The following WIPF2 variants were observed in gnomAD, a reference collection of about 807,000 sequenced individuals.
The protein encoded by WIPF2 is WAS/WASL-interacting protein family member 2.
WIPF2 carries 23 observed loss-of-function variants against 38.8 expected under a neutral mutation model. The observed-to-expected ratio is 0.59, with a 90% confidence interval of 0.43 to 0.84. The LOEUF (loss-of-function observed/expected upper bound fraction) is 0.84. WIPF2 is among the 40% of genes least tolerant of loss of function. The pLI is 0.00. For missense variants in WIPF2, 574 were observed against 580.5 expected, an observed-to-expected ratio of 0.99 and a Z score of 0.11; for synonymous variants, 210 against 223.2, an observed-to-expected ratio of 0.94 and a Z score of 0.53.
At chr17:40,234,980 G>A (rs543764370) in intron 1 of WIPF2, among the ~76,000 whole-genome samples, 25 of 151,306 alleles carry the variant, frequency 1.7e-4, no homozygotes, top group African/African-American at 5.8e-4. Flanking sequence ...GCAGAGTGGC[G>A]CGATCTCAGC....
At chr17:40,236,858 C>T (rs769073451) in intron 1 of WIPF2, among the ~76,000 whole-genome samples, 10 of 151,974 alleles carry the variant, frequency 6.6e-5, no homozygotes, top group African/African-American at 1.5e-4. Context: ...CCACCCGCCT[C>T]GGCCTCCCAA....
intron 1 of WIPF2, among the ~76,000 whole-genome samples, chr17:40,230,906 G>C (rs1337242052): frequency 6.6e-6 from 1 of 152,210 alleles, no homozygotes; most frequent in South Asian, 2.1e-4. Context: ...AAGTCTTGTT[G>C]GACACGCAAG....
chr17:40,269,130 C>T (rs2032175381), intron 5 of WIPF2, among the ~76,000 whole-genome samples: 2 of 151,976 alleles, frequency 1.3e-5, no homozygotes, highest in South Asian at 2.1e-4. Flanking sequence ...ACCAGCCTGG[C>T]CAACATGGTG....
intron 3 of WIPF2, 71 bp from the exon 4 acceptor site, chr17:40,262,454 T>TAGCCCAAA: frequency 8.1e-7 from 1 of 1,240,580 alleles, no homozygotes; most frequent in East Asian, 2.3e-5. Context: ...GAGGAGTGGT[T>TAGCCCAAA]TCCCCTCATG....
rs534495406 is a variant in WIPF2, at chr17:40,272,149, A to G, written c.971-1641A>G. Among the ~76,000 whole-genome samples the G allele has an allele frequency of 1.3e-4, 19 of 151,944 alleles. 1 individual carries two copies. Among genetic ancestry groups the G allele is most frequent in the African/African-American group, 4.6e-4 (19 of 41,422 alleles). On this transcript the variant is annotated intron_variant, in intron 5 of 7. Coordinates refer to ENST00000323571, the MANE Select transcript of WIPF2 (RefSeq NM_133264.5). Reference sequence around the variant, plus strand: ...ATTCTCCTGCCTCAGCCTTCCGAGTAGCTGGGATTACAGGCATGCACCACC... The same window carrying G: ...ATTCTCCTGCCTCAGCCTTCCGAGTGGCTGGGATTACAGGCATGCACCACC...
chr17:40,241,019 A>G (rs1361007101), intron 1 of WIPF2, among the ~76,000 whole-genome samples: 2 of 152,080 alleles, frequency 1.3e-5, no homozygotes, highest in South Asian at 4.1e-4. Context: ...AATGCATGCA[A>G]TATATTATGT....
chr17:40,250,326 G>C (rs1032959412), intron 1 of WIPF2, among the ~76,000 whole-genome samples: 3 of 145,556 alleles, frequency 2.1e-5, no homozygotes, highest in African/African-American at 7.6e-5. Context: ...TGCCTCCCGG[G>C]TTCACGCCAT....
intron 1 of WIPF2, among the ~76,000 whole-genome samples, chr17:40,245,576 C>A (rs554000691): frequency 2.6e-5 from 4 of 151,996 alleles, no homozygotes; most frequent in Non-Finnish European, 5.9e-5. Flanking sequence ...CTCCTGACCT[C>A]AAGTGATCTA....
At chr17:40,244,336 C>CT (rs1173871002) in intron 1 of WIPF2, among the ~76,000 whole-genome samples, 1 of 152,094 alleles carries the variant, frequency 6.6e-6, no homozygotes, top group Non-Finnish European at 1.5e-5. Flanking sequence ...GCTCCTGGCT[C>CT]TTTTCTCATT....
chr17:40,233,294 G>C (rs1166220257), intron 1 of WIPF2, among the ~76,000 whole-genome samples: 2 of 151,996 alleles, frequency 1.3e-5, no homozygotes, highest in Non-Finnish European at 2.9e-5. Flanking sequence ...TACAGTGTTA[G>C]GGTTTTTTGA....
intron 1 of WIPF2, among the ~76,000 whole-genome samples, chr17:40,235,552 G>A (rs2145303582): frequency 6.7e-6 from 1 of 148,790 alleles, no homozygotes; most frequent in East Asian, 2.0e-4. Flanking sequence ...TATGAAAGGA[G>A]TCTTTGGAGA....
At chr17:40,262,856 AT>A (rs1198465632) in intron 4 of WIPF2, among the ~76,000 whole-genome samples, 2 of 152,216 alleles carry the variant, frequency 1.3e-5, no homozygotes, top group African/African-American at 4.8e-5. Context: ...ATACCCTAGA[AT>A]ACTATTCAGC....
chr17:40,241,421 G>A (rs779918541), intron 1 of WIPF2, among the ~76,000 whole-genome samples: 5 of 152,166 alleles, frequency 3.3e-5, no homozygotes, highest in Non-Finnish European at 5.9e-5. Flanking sequence ...TTCAGACTCT[G>A]TTTTAGCCTG....
intron 4 of WIPF2, among the ~76,000 whole-genome samples, chr17:40,263,616 C>T (rs1224026021): frequency 7.3e-6 from 1 of 136,552 alleles, no homozygotes; most frequent in Non-Finnish European, 1.5e-5. Context: ...CATCTTGGCT[C>T]ACTGCAACTT....
At position 40,260,546 on chromosome 17, in the gene WIPF2, G is replaced by A; in HGVS notation, c.75G>A (p.Glu25=). 2 of 1,613,870 alleles carry A rather than the reference G, an allele frequency of 1.2e-6. No individual in the cohort carries two copies. Among genetic ancestry groups the A allele is most frequent in the Non-Finnish European group, 1.7e-6 (2 of 1,179,958 alleles). Residue 25 remains glutamate, a synonymous_variant, in exon 3 of 8, where the codon GAG becomes GAA. Transcript: ENST00000323571. The part of the protein sequence containing the change: ...PPPTFHQANT[E]QPKLSRDEQR... ...CTCTTATCCTCCAGGCAAACACAGA[G>A]CAGCCCAAGCTGAGTAGAGATGAGC...
rs554223964 is a variant in WIPF2, at chr17:40,240,092, T to G, written c.-69-16299T>G. On this transcript the variant is annotated intron_variant, in intron 1 of 7. Transcript: ENST00000323571. ...TCTTTTTTTTTTTAAGATGGAGTCTTGCTCTGTTGCCCGGGCTGGAGTGCA... is the reference window on the plus strand; with the variant it reads ...TCTTTTTTTTTTTAAGATGGAGTCTGGCTCTGTTGCCCGGGCTGGAGTGCA... Among the ~76,000 whole-genome samples, 155 of 151,118 alleles carry G rather than the reference T, an allele frequency of 1.0e-3. 1 individual carries two copies. In the South Asian group the frequency reaches 0.018, roughly 18 times the overall value.
intron 1 of WIPF2, among the ~76,000 whole-genome samples, chr17:40,251,088 T>A (rs1325769891): frequency 6.6e-6 from 1 of 151,904 alleles, no homozygotes; most frequent in African/African-American, 2.4e-5. Flanking sequence ...TAATTTTTTA[T>A]GTTTCTTAGT....
At chr17:40,250,854 C>T (rs1313861564) in intron 1 of WIPF2, among the ~76,000 whole-genome samples, 1 of 151,416 alleles carries the variant, frequency 6.6e-6, no homozygotes, top group East Asian at 1.9e-4. Context: ...ATCACTGGAG[C>T]CCAGGAGTTT....
intron 1 of WIPF2, among the ~76,000 whole-genome samples, chr17:40,222,383 C>T (rs866235740): frequency 1.9e-4 from 28 of 150,920 alleles, no homozygotes; most frequent in Admixed American, 7.9e-4. Context: ...CAAGGCTGGG[C>T]GCGCTGGCTC....
Sources: gnomAD v4.1 joint callset for allele counts (sites outside exome capture counted in the v4.1 genomes callset) on GRCh38, gnomAD v4.1.1 for gene constraint, MANE v1.5 for transcripts, NCBI Gene and HGNC (gene_info 2026-07-23, HGNC 2026-07-21) for gene names.